The following TBC1D5 variants were observed in gnomAD, a reference collection of about 807,000 sequenced individuals.
TBC1D5 encodes the protein TBC1 domain family member 5, also known as TBC1 domain family, member 5.
Under a neutral mutation model 100.3 loss-of-function variants are expected in TBC1D5, and 75 were observed. The ratio of observed to expected loss-of-function variants is 0.75; its 90% CI spans 0.62 to 0.91. The LOEUF (loss-of-function observed/expected upper bound fraction) is 0.91, where lower values mean the gene tolerates loss of function less well. Among genes scored for constraint, TBC1D5 ranks in the 40% least tolerant of loss-of-function variants. The pLI, the probability that TBC1D5 is intolerant of heterozygous loss-of-function variation, is 0.00. For missense variants in TBC1D5, 910 were observed against 942.4 expected (o/e 0.97, Z 0.45); for synonymous variants, 323 against 325.6 (o/e 0.99, Z 0.09).
At chr3:17,322,469 G>T (rs1029071796) in intron 13 of TBC1D5, among the ~76,000 whole-genome samples, 1 of 152,162 alleles carries the variant, frequency 6.6e-6, no homozygotes, top group African/African-American at 2.4e-5. Flanking sequence ...GATAAGCAGC[G>T]CAGCACTGTG....
intron 17 of TBC1D5, among the ~76,000 whole-genome samples, chr3:17,227,974 G>A (rs1436482366): frequency 1.3e-5 from 2 of 151,954 alleles, no homozygotes; most frequent in Non-Finnish European, 2.9e-5. Flanking sequence ...GCCAGATCAA[G>A]GGTCTGACAG....
In TBC1D5 at chr3:17,404,951, C is replaced by T. The variant is rs143209049; in HGVS notation, c.287G>A (p.Cys96Tyr). Residue 96 changes from cysteine to tyrosine, a missense_variant, in exon 6 of 22, where the codon TGT becomes TAT. Coordinates refer to ENST00000253692, the Ensembl canonical transcript of TBC1D5. The stretch of plus-strand genomic sequence containing the variant: ...TTGACTTTTGTCTTGAGGAAGAACA[C>T]AAAGAAATAGCTGTCAAGAAAAACA... 89 of 1,587,666 alleles carry T rather than the reference C, an allele frequency of 5.6e-5. No homozygotes were observed. In the African/African-American group the frequency reaches 1.1e-3, roughly 20 times the overall value.
intron 1 of TBC1D5, among the ~76,000 whole-genome samples, chr3:17,697,116 G>C (rs1452323393): frequency 1.3e-5 from 2 of 152,102 alleles, no homozygotes; most frequent in Admixed American, 1.3e-4. Context: ...AAAATACTAA[G>C]AGCTATTTAT....
intron 17 of TBC1D5, among the ~76,000 whole-genome samples, chr3:17,226,275 T>C (rs2074889524): frequency 6.7e-6 from 1 of 150,296 alleles, no homozygotes; most frequent in African/African-American, 2.5e-5. Flanking sequence ...TTGTAACCCA[T>C]AAGCTACATA....
chr3:17,486,285 G>A (rs1045025213), intron 3 of TBC1D5, among the ~76,000 whole-genome samples: 1 of 151,984 alleles, frequency 6.6e-6, no homozygotes, highest in Non-Finnish European at 1.5e-5. Context: ...CCATTTTGTA[G>A]GTTGCCTGTT....
intron 13 of TBC1D5, among the ~76,000 whole-genome samples, chr3:17,350,056 G>A (rs1443315424): frequency 1.3e-5 from 2 of 152,112 alleles, no homozygotes; most frequent in African/African-American, 4.8e-5. Context: ...TTAAGATAGA[G>A]TAGTTTATTT....
chr3:17,658,383 G>T (rs1039565183), intron 1 of TBC1D5, among the ~76,000 whole-genome samples: 1 of 152,160 alleles, frequency 6.6e-6, no homozygotes, highest in Non-Finnish European at 1.5e-5. Flanking sequence ...AAGGGAGTTA[G>T]AACTTCAGAA....
At chr3:17,238,535 C>G in intron 16 of TBC1D5, 116 bp from the exon 17 acceptor site, 1 of 1,212,356 alleles carries the variant, frequency 8.2e-7, no homozygotes, top group Non-Finnish European at 1.1e-6. Context: ...TTTACTAGAC[C>G]AGCTATATAA....
intron 3 of TBC1D5, among the ~76,000 whole-genome samples, chr3:17,437,656 G>C (rs1218625658): frequency 1.5e-5 from 2 of 136,376 alleles, no homozygotes; most frequent in African/African-American, 5.4e-5. Flanking sequence ...AAGGGAGGGA[G>C]GGAGAGATTT....
chr3:17,440,259 A>G (rs1276941082), intron 3 of TBC1D5, among the ~76,000 whole-genome samples: 1 of 152,190 alleles, frequency 6.6e-6, no homozygotes, highest in Non-Finnish European at 1.5e-5. Flanking sequence ...ACTAGAGATC[A>G]GCATATGCCA....
intron 2 of TBC1D5, among the ~76,000 whole-genome samples, chr3:17,594,187 T>G (rs950931462): frequency 6.6e-6 from 1 of 152,192 alleles, no homozygotes; most frequent in African/African-American, 2.4e-5. Flanking sequence ...GGAGTTATAG[T>G]GTTGGCTGGG....
At chr3:17,219,003 CTT>C (rs2073978635) in intron 17 of TBC1D5, among the ~76,000 whole-genome samples, 1 of 151,616 alleles carries the variant, frequency 6.6e-6, no homozygotes, top group South Asian at 2.1e-4. Flanking sequence ...CTGCCCCTCT[CTT>C]TTCCTTCTCT....
In TBC1D5 at chr3:17,374,555, A is replaced by C; in HGVS notation, c.753-15T>G. 2 of 1,610,708 alleles carry C rather than the reference A, an allele frequency of 1.2e-6. No individual in the cohort carries two copies. Among genetic ancestry groups the C allele is most frequent in the Admixed American group, 1.7e-5 (1 of 59,654 alleles). ...AGAACACTGCACTAAAAATAAAATA[A>C]CACAATGCTATGTAACTTTCATTAA... On this transcript the variant is annotated splice_polypyrimidine_tract_variant and intron_variant, in intron 11 of 21. Transcript: ENST00000253692.
At chr3:17,178,162 T>G (rs1268374279) in intron 19 of TBC1D5, among the ~76,000 whole-genome samples, 1 of 149,480 alleles carries the variant, frequency 6.7e-6, no homozygotes, top group Non-Finnish European at 1.5e-5. Context: ...GCCTCCTGGG[T>G]TCACGCCATT....
In TBC1D5 at chr3:17,683,148, G is replaced by A. The variant is rs886884201; in HGVS notation, c.-101+56195C>T. ...GCTTTCTTGTCCTTTTTATGCACAT[G>A]TTAAAATGCTTAACTGTGTATTAAA... is the stretch of plus-strand genomic sequence containing the variant. On this transcript the variant is annotated intron_variant, in intron 1 of 21. Coordinates refer to ENST00000253692, the Ensembl canonical transcript of TBC1D5. Among the ~76,000 whole-genome samples the A allele has an allele frequency of 5.3e-5, 8 of 151,472 alleles. 1 individual carries two copies. The highest frequency in any genetic ancestry group is 3.3e-4 in the Admixed American group (5 of 15,236).
rs971711630 is a variant in TBC1D5 at position 17,614,831 on chromosome 3, T to G, written c.-36+9018A>C. ...ATACACAATCATGTCATCTGCAAAC[T>G]GGGACAATTTGACTTCCTCTTTTCC... On this transcript the variant is annotated intron_variant, in intron 2 of 21. Transcript: ENST00000253692. Among the ~76,000 whole-genome samples, 6 of 152,274 alleles carry G rather than the reference T, an allele frequency of 3.9e-5. 1 individual carries two copies. The highest frequency in any genetic ancestry group is 3.9e-4 in the Admixed American group (6 of 15,276).
chr3:17,230,587 GT>G (rs1344709773), intron 17 of TBC1D5, among the ~76,000 whole-genome samples: 9 of 151,268 alleles, frequency 5.9e-5, no homozygotes, highest in East Asian at 1.9e-4. Flanking sequence ...TGGACAGGAA[GT>G]TTTTTTTTAA....
At chr3:17,476,644 T>A (rs923246958) in intron 3 of TBC1D5, among the ~76,000 whole-genome samples, 2 of 151,992 alleles carry the variant, frequency 1.3e-5, no homozygotes, top group Non-Finnish European at 2.9e-5. Flanking sequence ...AATGTAAAAA[T>A]TTTGACTGAA....
At chr3:17,211,169 AG>A (rs1453168376) in intron 18 of TBC1D5, among the ~76,000 whole-genome samples, 2 of 152,194 alleles carry the variant, frequency 1.3e-5, no homozygotes, top group Admixed American at 6.5e-5. Context: ...AAAAGCTAAG[AG>A]GAAGTTCTGT....
Sources: allele counts gnomAD v4.1 joint callset (sites outside exome capture counted in the v4.1 genomes callset), GRCh38; gene constraint gnomAD v4.1.1; transcripts MANE v1.5; gene names NCBI Gene and HGNC (gene_info 2026-07-23, HGNC 2026-07-21).